Variants in EVC observed in about 807,000 individuals in gnomAD.
EVC encodes the protein evC complex member EVC.
A neutral mutation model predicts 118.9 loss-of-function variants in EVC; 116 were observed. That is an observed-to-expected ratio of 0.98 (90% CI 0.84 to 1.14). EVC has a LOEUF of 1.14. EVC is among the 50% of genes most tolerant of loss of function. EVC has a pLI of 0.00. For missense variants in EVC, 1,401 were observed against 1,246.4 expected (o/e 1.12, Z -1.87); for synonymous variants, 619 against 534.7 (o/e 1.16, Z -2.18).
chr4:5,720,650 C>T (rs1259244919), intron 2 of EVC, among the ~76,000 whole-genome samples: 1 of 152,244 alleles, frequency 6.6e-6, no homozygotes, highest in Non-Finnish European at 1.5e-5. Flanking sequence ...ATCTCCCTCC[C>T]TGGCTGGTGG....
At chr4:5,806,991 GA>G in intron 17 of EVC, among the ~76,000 whole-genome samples, 1 of 152,162 alleles carries the variant, frequency 6.6e-6, no homozygotes, top group Non-Finnish European at 1.5e-5. Context: ...TTTTTTTTAA[GA>G]ACGTCTATTC....
intron 11 of EVC, among the ~76,000 whole-genome samples, chr4:5,767,787 C>T (rs1221539685): frequency 6.6e-6 from 1 of 152,186 alleles, no homozygotes; most frequent in Non-Finnish European, 1.5e-5. Flanking sequence ...ACCCACTGAC[C>T]TGCGCCCACT....
At chr4:5,824,361 T>C in the EVC span, 1 of 985,414 alleles carries the variant, frequency 1.0e-6, no homozygotes, top group Non-Finnish European at 1.2e-6. Context: ...CAAAGTCTTA[T>C]GGAGAGTGAG....
chr4:5,747,363 G>T (rs1273384523), intron 7 of EVC, among the ~76,000 whole-genome samples: 2 of 152,192 alleles, frequency 1.3e-5, no homozygotes, highest in Non-Finnish European at 2.9e-5. Flanking sequence ...CTCAGCCGTG[G>T]AGTTAAATGG....
At chr4:5,799,629 C>T (rs890846007) in intron 15 of EVC, among the ~76,000 whole-genome samples, 5 of 152,186 alleles carry the variant, frequency 3.3e-5, no homozygotes, top group Admixed American at 3.3e-4. Flanking sequence ...GGCAGGATGT[C>T]TGTGGCTGGG....
the EVC span, chr4:5,828,778 T>C: frequency 1.5e-6 from 2 of 1,303,562 alleles, no homozygotes; most frequent in African/African-American, 1.5e-5. Flanking sequence ...CCAATGTTTT[T>C]TTTTCTCTCT....
At chr4:5,759,292 A>G (rs1003018905) in intron 11 of EVC, among the ~76,000 whole-genome samples, 1 of 152,194 alleles carries the variant, frequency 6.6e-6, no homozygotes, top group South Asian at 2.1e-4. Context: ...GCCAGACTAC[A>G]GTGTAAATGC....
rs1729357973 is a variant in EVC, at chr4:5,746,407, G to T, written c.939+1066G>T. 6.6e-6 allele frequency among the ~76,000 whole-genome samples: 1 copy of T among 152,150 alleles called. No homozygotes were observed. ...GGGCGGCAGGTGGGGAGGAGGAGGG[G>T]GTCCAGGGTCAGTGCTGCTGAAATA... On this transcript the variant is annotated intron_variant, in intron 7 of 20. Coordinates refer to ENST00000264956, the MANE Select transcript of EVC (RefSeq NM_153717.3). The surrounding 1 kb of genome is among the most constrained non-coding windows in gnomAD (Gnocchi z 5.8).
Position 5,719,977 on chromosome 4 carries a change from T to C in EVC, c.300+604T>C, listed in dbSNP as rs1724664565. ...ATAAGTCTGTTTATTTTCATTTCAT[T>C]TTACTTCCTTTAATTAAATCTCTGG... On this transcript the variant is annotated intron_variant, in intron 2 of 20. Transcript: ENST00000264956. This position sits in a 1 kb window ranked among gnomAD's most constrained non-coding sequence, Gnocchi z 4.7. 6.6e-6 allele frequency among the ~76,000 whole-genome samples: 1 copy of C among 152,184 alleles called. No homozygotes were observed. Among genetic ancestry groups the C allele is most frequent in the East Asian group, 1.9e-4 (1 of 5,200 alleles).
Position 5,746,831 on chromosome 4 carries a change from C to A in EVC, c.940-1317C>A, listed in dbSNP as rs1469877216. Among the ~76,000 whole-genome samples, 1 of 151,982 alleles carries A rather than the reference C, an allele frequency of 6.6e-6. No individual in the cohort carries two copies. The highest frequency in any genetic ancestry group is 2.1e-4 in the South Asian group (1 of 4,814). The stretch of plus-strand genomic sequence containing the variant: ...GATCCTGCCCATATTTAAGGAGGAG[C>A]GGATGAGAAGAATTGGGACAAGAAA... On this transcript the variant is annotated intron_variant, in intron 7 of 20. Coordinates refer to ENST00000264956, the MANE Select transcript of EVC (RefSeq NM_153717.3). The surrounding 1 kb of genome is among the most constrained non-coding windows in gnomAD (Gnocchi z 5.8).
At chr4:5,803,031 G>T (rs188996351) in intron 16 of EVC, among the ~76,000 whole-genome samples, 5 of 152,290 alleles carry the variant, frequency 3.3e-5, no homozygotes, top group Admixed American at 6.5e-5. Flanking sequence ...AGTGGTCCAG[G>T]GGGTGTTTGA....
downstream of EVC, among the ~76,000 whole-genome samples, chr4:5,815,332 T>C (rs1717502279): frequency 2.6e-5 from 4 of 151,952 alleles, no homozygotes; most frequent in South Asian, 6.2e-4. Flanking sequence ...TGAGAAACAA[T>C]TGACCAAAGG....
chr4:5,785,172 T>A (rs1257178376), intron 12 of EVC, among the ~76,000 whole-genome samples: 2 of 152,206 alleles, frequency 1.3e-5, no homozygotes, highest in Admixed American at 1.3e-4. Flanking sequence ...TTCTTCAGTG[T>A]CCCATTCTTC....
intron 1 of EVC, among the ~76,000 whole-genome samples, chr4:5,716,366 A>G (rs1723961300): frequency 6.6e-6 from 1 of 152,324 alleles, no homozygotes; most frequent in Middle Eastern, 3.4e-3. Flanking sequence ...GGTAGATTCA[A>G]AGATTTTCTG....
intron 11 of EVC, among the ~76,000 whole-genome samples, chr4:5,760,442 T>C (rs190705847): frequency 6.6e-6 from 1 of 152,210 alleles, no homozygotes; most frequent in Non-Finnish European, 1.5e-5. Flanking sequence ...TGATACCTGC[T>C]GGAGTCTCTC....
In EVC at chr4:5,797,202, C is replaced by G; in HGVS notation, c.2067C>G (p.Asp689Glu). The G allele has an allele frequency of 1.2e-6, 2 of 1,612,296 alleles. No homozygotes were observed. Among genetic ancestry groups the G allele is most frequent in the Non-Finnish European group, 8.5e-7 (1 of 1,179,816 alleles). The change falls in exon 14 of 21, where the codon GAC becomes GAG. Residue 689 changes from aspartate to glutamate, a missense_variant. Coordinates refer to ENST00000264956, the MANE Select transcript of EVC (RefSeq NM_153717.3). ...AGCAGGGGTCCTCCCAGTGCCTGGA[C>G]GAGCATCAGTGGCAGCTGCTCAGGG... The part of the protein sequence containing the change: ...ALEQGSSQCL[D>E]EHQWQLLRAL...
At chr4:5,752,573 G>A in intron 8 of EVC, 1 of 564,764 alleles carries the variant, frequency 1.8e-6, no homozygotes, top group Non-Finnish European at 3.2e-6. Context: ...GTGGCCCTCT[G>A]GGGAGCGCTA....
downstream of EVC, among the ~76,000 whole-genome samples, chr4:5,818,633 A>G (rs116693306): frequency 6.4e-3 from 976 of 152,214 alleles, 6 homozygotes; most frequent in African/African-American, 0.022. Flanking sequence ...GCAGCTTTAT[A>G]AGCAGAGGAA....
At chr4:5,740,882 A>C (rs902421850) in intron 5 of EVC, among the ~76,000 whole-genome samples, 3 of 152,370 alleles carry the variant, frequency 2.0e-5, no homozygotes, top group Middle Eastern at 3.4e-3. Context: ...TTGAACTCAC[A>C]ATAAGATATC....
Sources: gnomAD v4.1 joint callset for allele counts (sites outside exome capture counted in the v4.1 genomes callset) on GRCh38, gnomAD v4.1.1 for gene constraint, Gnocchi (gnomAD v3.1) non-coding constraint, MANE v1.5 for transcripts, NCBI Gene and HGNC (gene_info 2026-07-23, HGNC 2026-07-21) for gene names.